The following CYB5RL variants were observed in gnomAD, a reference collection of about 807,000 sequenced individuals.
CYB5RL encodes the protein NADH-cytochrome b5 reductase-like.
CYB5RL carries 38 observed loss-of-function variants against 37.5 expected under a neutral mutation model. That is an observed-to-expected ratio of 1.01 (90% CI 0.78 to 1.33). The LOEUF is 1.33. CYB5RL is among the 40% of genes most tolerant of loss of function. The pLI is 0.00. For missense variants in CYB5RL, 388 were observed against 394.4 expected, an observed-to-expected ratio of 0.98 and a Z score of 0.14; for synonymous variants, 141 against 151.9, an observed-to-expected ratio of 0.93 and a Z score of 0.53.
At chr1:54,188,519 T>A (rs1643922359) in intron 4 of CYB5RL, among the ~76,000 whole-genome samples, 1 of 152,170 alleles carries the variant, frequency 6.6e-6, no homozygotes, top group South Asian at 2.1e-4. Flanking sequence ...CATGCATGAA[T>A]CCTCTCCATG....
rs11544199 is a variant in CYB5RL, at chr1:54,195,589, C to T, written c.28G>A (p.Asp10Asn). Residue 10 changes from aspartate to asparagine, a missense_variant, in exon 3 of 8, where the codon GAC (aspartate) becomes AAC (asparagine). Coordinates refer to ENST00000534324, the MANE Select transcript of CYB5RL (RefSeq NM_001031672.4). MMAEREEDD[D>N]TEEAWMQLRP... is the part of the protein sequence containing the mutation. Reference sequence around the variant, plus strand: ...AGCTGCATCCAGGCTTCCTCAGTGTCGTCGTCCTCTTCCCTCTCAGCCATC... The same window carrying T: ...AGCTGCATCCAGGCTTCCTCAGTGTTGTCGTCCTCTTCCCTCTCAGCCATC... 0.031 allele frequency: 49,702 copies of T among 1,612,272 alleles called. 898 individuals are homozygous for T. The highest frequency in any genetic ancestry group is 0.046 in the African/African-American group (3,436 of 75,026).
At chr1:54,198,778 C>T (rs549167422) in intron 1 of CYB5RL, among the ~76,000 whole-genome samples, 17 of 151,872 alleles carry the variant, frequency 1.1e-4, no homozygotes, top group African/African-American at 3.6e-4. Flanking sequence ...TCTATAGGTG[C>T]GTGCCATCAC....
At chr1:54,176,931 G>A (rs1392116254) in intron 7 of CYB5RL, among the ~76,000 whole-genome samples, 1 of 152,174 alleles carries the variant, frequency 6.6e-6, no homozygotes, top group Non-Finnish European at 1.5e-5. Context: ...GGGGTACAGA[G>A]GTGGGAGGTG....
chr1:54,190,778 C>A lies in CYB5RL; in HGVS notation c.317G>T (p.Gly106Val). Residue 106 changes from glycine to valine, a missense_variant, in exon 4 of 8, where the codon GGC (glycine) becomes GTC (valine). Transcript: ENST00000534324. ...RFALPGNSQL[G>V]LRPGQHLILR... Reference sequence around the variant, plus strand: ...GATGAGGTGCTGGCCGGGCCGCAGGCCAAGCTGGCTGTTCCCGGGTAGAGC... The same window carrying A: ...GATGAGGTGCTGGCCGGGCCGCAGGACAAGCTGGCTGTTCCCGGGTAGAGC... The A allele has an allele frequency of 6.4e-7, 1 of 1,560,634 alleles. No individual in the cohort carries two copies.
At chr1:54,183,036 A>T (rs1660204782) in intron 6 of CYB5RL, among the ~76,000 whole-genome samples, 1 of 152,234 alleles carries the variant, frequency 6.6e-6, no homozygotes, top group Non-Finnish European at 1.5e-5. Flanking sequence ...CAGAGCTGCT[A>T]ACATTTCATT....
intron 4 of CYB5RL, among the ~76,000 whole-genome samples, chr1:54,190,017 G>A (rs983937770): frequency 6.6e-6 from 1 of 152,176 alleles, no homozygotes; most frequent in Non-Finnish European, 1.5e-5. Flanking sequence ...ACTCAGCTAT[G>A]TGCCAATGAC....
rs1033939711 is a variant in CYB5RL, at chr1:54,195,512, G to A, written c.105C>T (p.Pro35=). The A allele has an allele frequency of 2.5e-6, 4 of 1,613,280 alleles. No individual in the cohort carries two copies. The highest frequency in any genetic ancestry group is 1.7e-5 in the Admixed American group (1 of 59,882). ...PSQCCGSGCS[P]CVFDLYHRDL... ...CTCGGTGATAGAGGTCAAACACACA[G>A]GGTGAGCAGCCACTGCCGCAGCACT... is the stretch of plus-strand genomic sequence containing the variant. Residue 35 remains proline (P), a synonymous_variant, in exon 3 of 8, where the codon CCC becomes CCT. Transcript: ENST00000534324.
rs552437711 is a variant in CYB5RL at position 54,193,343 on chromosome 1, TAGATGGTGTCTGGTAG to T, written c.198+2060_198+2075del. 3.2e-3 allele frequency among the ~76,000 whole-genome samples: 483 copies of T among 152,324 alleles called. 1 individual carries two copies. The highest frequency in any genetic ancestry group is 0.011 in the African/African-American group (473 of 41,574). On this transcript the variant is annotated intron_variant, in intron 3 of 7. Coordinates refer to ENST00000534324, the MANE Select transcript of CYB5RL (RefSeq NM_001031672.4). Reference sequence around the variant, plus strand: ...GACGATATACACATAAGAGTACATCTAGATGGTGTCTGGTAGTCCTGAGTTAGGAAGAGAAATGAAA... The same window carrying T: ...GACGATATACACATAAGAGTACATCTTCCTGAGTTAGGAAGAGAAATGAAA...
chr1:54,170,501 G>A lies in CYB5RL; in HGVS notation c.*4118C>T, dbSNP rs185629556. On this transcript the variant is annotated 3_prime_UTR_variant, in exon 8 of 8. Transcript: ENST00000534324. ...ACAATCTTGGCTCCCTGCAAGCTCC[G>A]CCTCCCGGGTTCACACCATTCTCCT... 2.1e-3 allele frequency: 317 copies of A among 152,914 alleles called. 1 individual carries two copies. Among genetic ancestry groups the A allele is most frequent in the Non-Finnish European group, 2.4e-3 (164 of 68,616 alleles). 9.5% of individuals were successfully genotyped at this position (152,914 alleles called of 1,614,324 possible).
rs1172843062 is a variant in CYB5RL, at chr1:54,172,195, C to G, written c.*2424G>C. Reference sequence around the variant, plus strand: ...TATTATTATTATTTTGAGACAGGGTCTTGCTCTGTCACACAGATTGGAGTG... The same window carrying G: ...TATTATTATTATTTTGAGACAGGGTGTTGCTCTGTCACACAGATTGGAGTG... On this transcript the variant is annotated 3_prime_UTR_variant, in exon 8 of 8. Coordinates refer to ENST00000534324, the MANE Select transcript of CYB5RL (RefSeq NM_001031672.4). The G allele has an allele frequency of 6.6e-6, 1 of 152,254 alleles. No individual in the cohort carries two copies. Among genetic ancestry groups the G allele is most frequent in the East Asian group, 1.9e-4 (1 of 5,186 alleles). The allele number at this position is 152,254 out of a possible 1,614,324, so 9.4% of individuals were successfully genotyped here.
intron 7 of CYB5RL, among the ~76,000 whole-genome samples, chr1:54,178,374 C>G (rs982358856): frequency 1.3e-5 from 2 of 152,130 alleles, no homozygotes; most frequent in African/African-American, 4.8e-5. Flanking sequence ...GGAATCCCAA[C>G]CCAGAGGGGA....
chr1:54,193,211 A>G (rs1643972708), intron 3 of CYB5RL, among the ~76,000 whole-genome samples: 1 of 152,252 alleles, frequency 6.6e-6, no homozygotes, highest in South Asian at 2.1e-4. Context: ...CAAATATTTA[A>G]TGAGTGCCAA....
chr1:54,193,761 G>A (rs112088948), intron 3 of CYB5RL, among the ~76,000 whole-genome samples: 2,721 of 151,802 alleles, frequency 0.018, 81 homozygotes, highest in African/African-American at 0.062. Context: ...GATCAGTTGA[G>A]GTCAGGAGTT....
intron 6 of CYB5RL, among the ~76,000 whole-genome samples, chr1:54,182,625 T>C (rs1373825713): frequency 1.3e-5 from 2 of 152,178 alleles, no homozygotes; most frequent in East Asian, 1.9e-4. Flanking sequence ...TCTCAGCTCA[T>C]TGCAACCTCT....
intron 3 of CYB5RL, among the ~76,000 whole-genome samples, chr1:54,192,210 AGTCTC>A (rs1643961264): frequency 7.4e-6 from 1 of 135,806 alleles, no homozygotes; most frequent in Non-Finnish European, 1.5e-5. Context: ...TTTGAGATAG[AGTCTC>A]GCTCTGTTGC....
chr1:54,188,399 A>C (rs1241033469), intron 4 of CYB5RL, among the ~76,000 whole-genome samples: 5 of 152,158 alleles, frequency 3.3e-5, no homozygotes, highest in African/African-American at 9.7e-5. Context: ...CCGACCACAG[A>C]GTGATAAAGA....
chr1:54,179,915 T>C (rs1660114328), intron 6 of CYB5RL: 1 of 453,820 alleles, frequency 2.2e-6, no homozygotes, highest in Admixed American at 2.4e-5. Context: ...TGCATAAGCA[T>C]GTAGCACAGC....
At chr1:54,179,087 G>A (rs1660090709) in intron 7 of CYB5RL, 62 bp downstream of exon 7, 6 of 1,554,382 alleles carry the variant, frequency 3.9e-6, no homozygotes, top group East Asian at 2.4e-5. Context: ...CTGGTCCTCA[G>A]GACAGGTGCA....
chr1:54,191,039 T>C (rs1643947960), intron 3 of CYB5RL, 143 bp from the exon 4 acceptor site: 2 of 1,163,784 alleles, frequency 1.7e-6, no homozygotes, highest in South Asian at 1.6e-5. Context: ...CTCACCTTAC[T>C]TCCCTTTCAA....
Sources: gnomAD v4.1 joint callset for allele counts (sites outside exome capture counted in the v4.1 genomes callset) on GRCh38, gnomAD v4.1.1 for gene constraint, MANE v1.5 for transcripts, NCBI Gene and HGNC (gene_info 2026-07-23, HGNC 2026-07-21) for gene names.